Variants in XRRA1 observed in about 807,000 individuals in gnomAD.
XRRA1 encodes the protein X-ray radiation resistance-associated protein 1.
XRRA1 carries 69 observed loss-of-function variants against 80.2 expected under a neutral mutation model. That is an observed-to-expected ratio of 0.86 (90% confidence interval 0.71 to 1.05). The LOEUF is 1.05. XRRA1 is among the 50% of genes least tolerant of loss of function. The pLI, the probability that XRRA1 is intolerant of heterozygous loss-of-function variation, is 0.00. For synonymous variants in XRRA1, 348 were observed against 389.9 expected (o/e 0.89, Z 1.27); for missense variants, 967 against 976.4 (o/e 0.99, Z 0.13).
chr11:74,873,629 A>G (rs1033256018), intron 10 of XRRA1, among the ~76,000 whole-genome samples: 4 of 152,190 alleles, frequency 2.6e-5, no homozygotes, highest in Admixed American at 6.5e-5. Flanking sequence ...GTCTTGCCAT[A>G]TGTAGATGAC....
intron 3 of XRRA1, 58 bp downstream of exon 3, chr11:74,940,727 T>G: frequency 7.2e-7 from 1 of 1,380,380 alleles, no homozygotes; most frequent in East Asian, 2.5e-5. Context: ...AGATGTGAGA[T>G]GGTCTAAAGC....
chr11:74,891,398 A>G (rs1308070899), intron 10 of XRRA1, among the ~76,000 whole-genome samples: 10 of 152,184 alleles, frequency 6.6e-5, no homozygotes, highest in Non-Finnish European at 1.5e-4. Context: ...TTGATTGGAC[A>G]TATCTGAAAA....
At chr11:74,871,988 CA>C (rs2136263281) in intron 10 of XRRA1, among the ~76,000 whole-genome samples, 1 of 152,072 alleles carries the variant, frequency 6.6e-6, no homozygotes, top group East Asian at 1.9e-4. Context: ...TACAGTAGGC[CA>C]AAAAGGAAAA....
At position 74,843,317 on chromosome 11, in the gene XRRA1, A is replaced by C. The variant is rs777956461; in HGVS notation, c.2286T>G (p.Thr762=). The C allele has an allele frequency of 1.9e-6, 3 of 1,606,436 alleles. No homozygotes were observed. The highest frequency in any genetic ancestry group is 2.5e-6 in the Non-Finnish European group (3 of 1,176,716). Residue 762 remains threonine, a synonymous_variant, in exon 19 of 19, where the codon ACT becomes ACG. Coordinates refer to ENST00000684022, the MANE Select transcript of XRRA1 (RefSeq NM_001378157.1). ...CTGGGCAGGCCATGGGGAGCGGGGT[A>C]GTCCCGAACACTGTGCGCAGAGAGC... ...VSGSLRTVFG[T]TPLPMACPAL...
intron 7 of XRRA1, among the ~76,000 whole-genome samples, chr11:74,923,709 C>G (rs1185064222): frequency 1.3e-5 from 2 of 152,200 alleles, no homozygotes; most frequent in African/African-American, 4.8e-5. Context: ...TCTGCTACCC[C>G]TCCAGGTTCA....
At chr11:74,898,844 G>C (rs1483653439) in intron 10 of XRRA1, among the ~76,000 whole-genome samples, 2 of 152,130 alleles carry the variant, frequency 1.3e-5, no homozygotes, top group African/African-American at 4.8e-5. Context: ...GCATTGGACA[G>C]ATCTCCCAGA....
chr11:74,923,228 A>G (rs1941353485), intron 7 of XRRA1, among the ~76,000 whole-genome samples: 1 of 152,236 alleles, frequency 6.6e-6, no homozygotes, highest in South Asian at 2.1e-4. Context: ...GGCAGGAGGC[A>G]GCCTTTCTTG....
At chr11:74,925,775 C>T (rs940258577) in intron 7 of XRRA1, among the ~76,000 whole-genome samples, 42 of 152,266 alleles carry the variant, frequency 2.8e-4, no homozygotes, top group African/African-American at 9.9e-4. Context: ...CATGTCTCCT[C>T]CCTTCAGCCC....
intron 14 of XRRA1, 140 bp from the exon 15 acceptor site, chr11:74,848,602 T>C (rs899632004): frequency 1.4e-6 from 1 of 722,370 alleles, no homozygotes; most frequent in African/African-American, 1.8e-5. Flanking sequence ...GAAATCATAC[T>C]TGTTGGGCAT....
At chr11:74,885,671 A>G (rs2048848996) in intron 10 of XRRA1, among the ~76,000 whole-genome samples, 1 of 152,208 alleles carries the variant, frequency 6.6e-6, no homozygotes, top group African/African-American at 2.4e-5. Context: ...TATTGAAACT[A>G]TTCCAAAAAT....
intron 10 of XRRA1, among the ~76,000 whole-genome samples, chr11:74,878,205 G>A (rs1206190407): frequency 6.6e-6 from 1 of 151,700 alleles, no homozygotes; most frequent in Non-Finnish European, 1.5e-5. Flanking sequence ...GCATTTCTCT[G>A]ATGGCCAGTG....
rs866324451 is a variant in XRRA1 at position 74,852,097 on chromosome 11, G to A, written c.1171-15C>T. The A allele has an allele frequency of 6.2e-6, 10 of 1,608,392 alleles. No individual in the cohort carries two copies. Among genetic ancestry groups the A allele is most frequent in the Middle Eastern group, 1.7e-4 (1 of 6,050 alleles). ...TCTTTTGCGATCTGTAATGAATGCA[G>A]GAGAGACTCTCAGGTTGACACCACC... On this transcript the variant is annotated splice_polypyrimidine_tract_variant and intron_variant, in intron 12 of 18. Transcript: ENST00000684022.
chr11:74,878,414 G>A (rs2046610137), intron 10 of XRRA1, among the ~76,000 whole-genome samples: 2 of 151,760 alleles, frequency 1.3e-5, no homozygotes, highest in East Asian at 3.9e-4. Flanking sequence ...TTTGTAGGTT[G>A]CCTGTTCACT....
intron 10 of XRRA1, among the ~76,000 whole-genome samples, chr11:74,892,328 G>A (rs140147145): frequency 0.013 from 1,943 of 152,284 alleles, 49 homozygotes; most frequent in African/African-American, 0.044. Context: ...TTAATAAGTG[G>A]TGCCGGGAAA....
At chr11:74,906,191 T>G in intron 10 of XRRA1, 48 bp downstream of exon 10, 1 of 1,552,594 alleles carries the variant, frequency 6.4e-7, no homozygotes, top group Non-Finnish European at 8.8e-7. Flanking sequence ...CTCAGAAGTG[T>G]ATTTCCACCA....
At chr11:74,907,055 C>A (rs945610802) in intron 9 of XRRA1, 90 bp downstream of exon 9, 1 of 1,556,888 alleles carries the variant, frequency 6.4e-7, no homozygotes, top group Non-Finnish European at 8.7e-7. Context: ...GGCTTTAAAC[C>A]CAAACCTTTT....
chr11:74,903,986 C>T (rs1591268076), intron 10 of XRRA1, among the ~76,000 whole-genome samples: 2 of 151,876 alleles, frequency 1.3e-5, no homozygotes, highest in South Asian at 2.1e-4. Flanking sequence ...GTAAGAAGAA[C>T]TTTGAAGAGA....
At position 74,845,174 on chromosome 11, in the gene XRRA1, C is replaced by T; in HGVS notation, c.1826G>A (p.Gly609Glu). ...KPPTAPREVK[G>E]TRRKLPTAFL... ...GGCAGTTGGGAGTTTCCTCCGAGTC[C>T]CTTTCACCTCTCTGGGTGCCGTTGG... The change falls in exon 16 of 19, where the codon GGG (glycine) becomes GAG (glutamate). Residue 609 changes from glycine (G) to glutamate (E), a missense_variant. Physicochemically the swap from Gly to Glu is moderately conservative, Grantham distance 98. Coordinates refer to ENST00000684022, the MANE Select transcript of XRRA1 (RefSeq NM_001378157.1). 6.2e-7 allele frequency: 1 copy of T among 1,614,042 alleles called. No homozygotes were observed. Among genetic ancestry groups the T allele is most frequent in the East Asian group, 2.2e-5 (1 of 44,882 alleles).
In XRRA1 at chr11:74,898,749, T is replaced by C. The variant is rs189315440; in HGVS notation, c.1003+7490A>G. ...TTACAAATATATATGCACCCACCAC[T>C]GGAGCACCCAGATATATAAAGCAAG... On this transcript the variant is annotated intron_variant, in intron 10 of 18. Coordinates refer to ENST00000684022, the MANE Select transcript of XRRA1 (RefSeq NM_001378157.1). Among the ~76,000 whole-genome samples, 4 of 152,264 alleles carry C rather than the reference T, an allele frequency of 2.6e-5. No individual in the cohort carries two copies. In the East Asian group the frequency reaches 7.7e-4, roughly 29 times the overall value.
Sources: allele counts gnomAD v4.1 joint callset (sites outside exome capture counted in the v4.1 genomes callset), GRCh38; gene constraint gnomAD v4.1.1; transcripts MANE v1.5; gene names NCBI Gene and HGNC (gene_info 2026-07-23, HGNC 2026-07-21).